Variants in PTPRO observed in about 807,000 individuals in gnomAD.
PTPRO encodes protein tyrosine phosphatase receptor type O.
PTPRO carries 62 observed loss-of-function variants against 145.2 expected under a neutral mutation model. The ratio of observed to expected loss-of-function variants is 0.43; its 90% CI spans 0.35 to 0.53. PTPRO has a LOEUF of 0.53. Ranked by LOEUF, PTPRO falls within the 20% of genes least tolerant of loss-of-function variation. The pLI is 0.01. For synonymous variants in PTPRO, 565 were observed against 514.7 expected, an observed-to-expected ratio of 1.10 and a Z score of -1.32; for missense variants, 1,345 against 1,482.7, an observed-to-expected ratio of 0.91 and a Z score of 1.53.
chr12:15,345,281 A>G (rs527599640), intron 1 of PTPRO, among the ~76,000 whole-genome samples: 15 of 152,118 alleles, frequency 9.9e-5, no homozygotes, highest in Admixed American at 2.0e-4. Flanking sequence ...CTACATATTT[A>G]AAAGATACTA....
chr12:15,456,868 A>T (rs1373216940), intron 1 of PTPRO, among the ~76,000 whole-genome samples: 1 of 152,092 alleles, frequency 6.6e-6, no homozygotes, highest in Non-Finnish European at 1.5e-5. Flanking sequence ...ACTATTGGGG[A>T]AAGTTATACT....
At chr12:15,420,288 T>C (rs1940108776) in intron 1 of PTPRO, among the ~76,000 whole-genome samples, 1 of 151,742 alleles carries the variant, frequency 6.6e-6, no homozygotes, top group Non-Finnish European at 1.5e-5. Flanking sequence ...TAGCATGTCA[T>C]GAGAACTTCC....
intron 18 of PTPRO, 31 bp downstream of exon 18, chr12:15,565,659 G>C (rs775253528): frequency 2.9e-6 from 4 of 1,367,486 alleles, no homozygotes; most frequent in African/African-American, 1.4e-5. Flanking sequence ...CATTTAAAAG[G>C]ATGTTTGTTA....
chr12:15,549,267 G>A (rs559605784), intron 14 of PTPRO, 41 bp downstream of exon 14: 5 of 1,441,334 alleles, frequency 3.5e-6, no homozygotes, highest in Non-Finnish European at 4.7e-6. Flanking sequence ...CACTTTTTTT[G>A]AATATATATA....
Position 15,565,256 on chromosome 12 carries a change from G to A in PTPRO, c.2712-337G>A, listed in dbSNP as rs191735987. On this transcript the variant is annotated intron_variant, in intron 17 of 26. Coordinates refer to ENST00000281171, the MANE Select transcript of PTPRO (RefSeq NM_030667.3). ...CCTTCCTGCCTGTAGAAATTGGAGT[G>A]TTCAGGTGGTAGATAGATACTTCTA... 4.0e-4 allele frequency: 72 copies of A among 178,882 alleles called. 1 individual carries two copies. The East Asian group carries it at 9.9e-3, about 25-fold the overall frequency. The allele number at this position is 178,882 out of a possible 1,614,324, so 11.1% of individuals were successfully genotyped here.
intron 1 of PTPRO, among the ~76,000 whole-genome samples, chr12:15,414,899 T>A (rs923308952): frequency 4.6e-5 from 7 of 152,234 alleles, no homozygotes; most frequent in Non-Finnish European, 1.0e-4. Context: ...TGATTTTGAA[T>A]ACTAAATTGC....
At chr12:15,408,112 A>T (rs977440366) in intron 1 of PTPRO, among the ~76,000 whole-genome samples, 52 of 151,982 alleles carry the variant, frequency 3.4e-4, no homozygotes, top group African/African-American at 1.3e-3. Flanking sequence ...TACTATATGA[A>T]TCTTTCCCTC....
intron 19 of PTPRO, among the ~76,000 whole-genome samples, chr12:15,576,295 C>T (rs1565440566): frequency 6.6e-6 from 1 of 152,236 alleles, no homozygotes; most frequent in Non-Finnish European, 1.5e-5. Context: ...ACTGTGTTTA[C>T]ATGCAGTTCC....
chr12:15,372,713 G>A (rs1357628893), intron 1 of PTPRO, among the ~76,000 whole-genome samples: 1 of 152,124 alleles, frequency 6.6e-6, no homozygotes, highest in African/African-American at 2.4e-5. Flanking sequence ...GGAGGTACAT[G>A]AGGATACACA....
At chr12:15,415,477 C>T (rs1206095600) in intron 1 of PTPRO, among the ~76,000 whole-genome samples, 8 of 151,816 alleles carry the variant, frequency 5.3e-5, no homozygotes, top group Admixed American at 3.9e-4. Flanking sequence ...CTCCGCCTCC[C>T]AGGTTCACGC....
At chr12:15,515,682 A>G (rs1942562181) in intron 8 of PTPRO, 64 bp downstream of exon 8, 3 of 1,595,690 alleles carry the variant, frequency 1.9e-6, no homozygotes, top group Admixed American at 1.7e-5. Context: ...GAGGGGTGCA[A>G]TGTGCGAGCT....
chr12:15,575,206 A>G (rs1273982455), intron 19 of PTPRO, among the ~76,000 whole-genome samples: 1 of 152,196 alleles, frequency 6.6e-6, no homozygotes, highest in East Asian at 1.9e-4. Flanking sequence ...GTGAAAAGGA[A>G]GAAAAGGGAG....
intron 19 of PTPRO, among the ~76,000 whole-genome samples, chr12:15,574,701 A>C (rs967239737): frequency 1.3e-5 from 2 of 152,110 alleles, no homozygotes; most frequent in Non-Finnish European, 2.9e-5. Context: ...TTTAGTCTAA[A>C]CTAGTTTGAG....
intron 1 of PTPRO, among the ~76,000 whole-genome samples, chr12:15,341,469 T>G (rs80174514): frequency 0.013 from 1,975 of 152,236 alleles, 44 homozygotes; most frequent in African/African-American, 0.045. Context: ...TAGAATAATT[T>G]TCCAGCCATT....
intron 12 of PTPRO, among the ~76,000 whole-genome samples, chr12:15,530,592 C>T (rs1479045074): frequency 6.6e-6 from 1 of 151,998 alleles, no homozygotes; most frequent in Non-Finnish European, 1.5e-5. Context: ...AATAAACAAA[C>T]ACATGGAAAT....
chr12:15,418,555 A>C (rs1452048252), intron 1 of PTPRO, among the ~76,000 whole-genome samples: 1 of 151,812 alleles, frequency 6.6e-6, no homozygotes. Flanking sequence ...GGAAGGTTTT[A>C]TGAGGAAAAT....
chr12:15,572,857 T>C (rs1291422537), intron 19 of PTPRO, among the ~76,000 whole-genome samples: 2 of 152,156 alleles, frequency 1.3e-5, no homozygotes, highest in African/African-American at 2.4e-5. Context: ...TGTTTTTGGT[T>C]GTTATAATAG....
Position 15,508,610 on chromosome 12 carries a change from C to G in PTPRO, c.1307C>G (p.Pro436Arg). The change falls in exon 7 of 27, where the codon CCG becomes CGG. Residue 436 changes from proline (P) to arginine (R), a missense_variant. By Grantham distance (103) the Pro-to-Arg change is moderately radical (BLOSUM62 -2). Around this residue, in one of 3 missense-constraint regions of PTPRO, gnomAD observed 1,130 missense variants for 1,214.7 expected, o/e 0.93. Transcript: ENST00000281171. The stretch of plus-strand genomic sequence containing the variant: ...TGGATTGAAGAACTGACCGAGAAGC[C>G]GCAGCACGTGAGTGTCCACGTTTTA... ...GEWIEELTEK[P>R]QHVSVHVLSS... 1 of 1,614,022 alleles carries G rather than the reference C, an allele frequency of 6.2e-7. No homozygotes were observed. Among genetic ancestry groups the G allele is most frequent in the Non-Finnish European group, 8.5e-7 (1 of 1,179,994 alleles).
intron 12 of PTPRO, among the ~76,000 whole-genome samples, chr12:15,544,801 C>A (rs570460413): frequency 6.6e-6 from 1 of 152,238 alleles, no homozygotes; most frequent in South Asian, 2.1e-4. Flanking sequence ...TGGAAATTGA[C>A]CTCTGTGTTT....
Sources: gnomAD v4.1 joint callset for allele counts (sites outside exome capture counted in the v4.1 genomes callset) on GRCh38, gnomAD v4.1.1 for gene constraint, gnomAD v4.1.1 regional missense constraint, MANE v1.5 for transcripts, NCBI Gene and HGNC (gene_info 2026-07-23, HGNC 2026-07-21) for gene names.